Variants in CAB39L observed in about 807,000 individuals in gnomAD.
CAB39L encodes calcium-binding protein 39-like.
A neutral mutation model predicts 39.1 loss-of-function variants in CAB39L; 23 were observed. The ratio of observed to expected loss-of-function variants is 0.59; its 90% confidence interval spans 0.42 to 0.83. The LOEUF is 0.83. Ranked by LOEUF, CAB39L falls within the 40% of genes least tolerant of loss-of-function variation. The probability of loss-of-function intolerance (pLI) is 0.00; values close to 1 mark genes in which losing one functional copy is unlikely to be tolerated. For missense variants in CAB39L, 366 were observed against 391.9 expected (o/e 0.93, Z 0.56); for synonymous variants, 126 against 137.2 (o/e 0.92, Z 0.57).
chr13:49,315,753 T>C (rs1003120624), intron 10 of CAB39L, among the ~76,000 whole-genome samples: 6 of 151,196 alleles, frequency 4.0e-5, no homozygotes, highest in Admixed American at 1.3e-4. Flanking sequence ...GGCATGGTGG[T>C]GTGCGCCTGT....
chr13:49,443,872 C>T, intron 1 of CAB39L, 114 bp downstream of exon 1: 1 of 454,980 alleles, frequency 2.2e-6, no homozygotes, highest in South Asian at 1.6e-5. Flanking sequence ...TTAGGCCTCT[C>T]CTTTACCCCA....
chr13:49,359,864 A>G, intron 5 of CAB39L, 32 bp from the exon 6 acceptor site: 1 of 1,205,620 alleles, frequency 8.3e-7, no homozygotes, highest in Non-Finnish European at 1.2e-6. Flanking sequence ...ATTAAATTGT[A>G]CACTCTAAAT....
intron 9 of CAB39L, among the ~76,000 whole-genome samples, chr13:49,339,332 T>C (rs1308989476): frequency 2.0e-5 from 3 of 152,160 alleles, no homozygotes; most frequent in Non-Finnish European, 4.4e-5. Context: ...GGTTTTGCCA[T>C]GTTGGCCAGG....
intron 1 of CAB39L, among the ~76,000 whole-genome samples, chr13:49,439,191 T>C (rs1957463161): frequency 6.6e-6 from 1 of 152,224 alleles, no homozygotes; most frequent in African/African-American, 2.4e-5. Flanking sequence ...TAATCTTTTA[T>C]TGAGTTTTGT....
chr13:49,311,572 C>T (rs1455408397), intron 10 of CAB39L, among the ~76,000 whole-genome samples: 6 of 152,118 alleles, frequency 3.9e-5, no homozygotes, highest in African/African-American at 1.4e-4. Context: ...GTGTTATGGC[C>T]CCTGCAGACT....
Position 49,376,964 on chromosome 13 carries a change from T to C in CAB39L, c.276+3A>G, listed in dbSNP as rs776341866. On this transcript the variant is annotated splice_donor_region_variant and intron_variant, in intron 5 of 10. Transcript: ENST00000409308. ...CACTGACATCCTTTTACAGCTGGCT[T>C]ACCTCAAAGTCTATCAGCTGCAGGT... 6.3e-7 allele frequency: 1 copy of C among 1,596,420 alleles called. No homozygotes were observed. Among genetic ancestry groups the C allele is most frequent in the Non-Finnish European group, 8.5e-7 (1 of 1,170,246 alleles).
At chr13:49,410,647 T>C (rs1309674394) in intron 3 of CAB39L, among the ~76,000 whole-genome samples, 1 of 152,236 alleles carries the variant, frequency 6.6e-6, no homozygotes, top group Non-Finnish European at 1.5e-5. Flanking sequence ...GTTTAAAATG[T>C]CAAGAGAAAC....
chr13:49,360,432 G>T (rs1955601359), intron 5 of CAB39L, among the ~76,000 whole-genome samples: 1 of 152,194 alleles, frequency 6.6e-6, no homozygotes, highest in African/African-American at 2.4e-5. Context: ...GAACAGAAGA[G>T]ATCACCGAAT....
intron 3 of CAB39L, among the ~76,000 whole-genome samples, chr13:49,400,032 G>C (rs966846693): frequency 1.3e-5 from 2 of 151,986 alleles, no homozygotes; most frequent in African/African-American, 4.8e-5. Flanking sequence ...TACACGTAGA[G>C]GAAATGTTAG....
At chr13:49,378,372 G>GC (rs1431932534) in intron 4 of CAB39L, among the ~76,000 whole-genome samples, 1 of 63,642 alleles carries the variant, frequency 1.6e-5, no homozygotes, top group African/African-American at 1.0e-4. Context: ...GGGGGGGTCA[G>GC]CCCCCCACCT....
chr13:49,413,058 G>A (rs1003491141), intron 3 of CAB39L: 3 of 152,084 alleles, frequency 2.0e-5, no homozygotes, highest in African/African-American at 7.2e-5. Flanking sequence ...ATTCAAAAGA[G>A]GTCTGTGATA....
At chr13:49,384,610 T>A (rs549559616) in intron 3 of CAB39L, among the ~76,000 whole-genome samples, 1 of 152,376 alleles carries the variant, frequency 6.6e-6, no homozygotes, top group South Asian at 2.1e-4. Flanking sequence ...TTTGTTTTTT[T>A]AACTTTTATT....
chr13:49,352,457 CA>C (rs957717026), intron 6 of CAB39L, among the ~76,000 whole-genome samples: 59 of 145,570 alleles, frequency 4.1e-4, no homozygotes, highest in Non-Finnish European at 3.8e-4. Flanking sequence ...GGGCCCCCTC[CA>C]AAAAAAAAAA....
intron 6 of CAB39L, among the ~76,000 whole-genome samples, chr13:49,354,748 AG>A: frequency 6.6e-6 from 1 of 152,332 alleles, no homozygotes; most frequent in East Asian, 1.9e-4. Flanking sequence ...GGCACTATCT[AG>A]GCATGCCCAT....
intron 5 of CAB39L, among the ~76,000 whole-genome samples, chr13:49,373,141 G>A (rs182096398): frequency 2.0e-5 from 3 of 152,200 alleles, no homozygotes; most frequent in Admixed American, 6.5e-5. Context: ...CTTTTGTCAT[G>A]GTTCTGGATA....
chr13:49,431,307 T>A (rs1957319565), intron 3 of CAB39L, among the ~76,000 whole-genome samples: 2 of 152,354 alleles, frequency 1.3e-5, no homozygotes, highest in African/African-American at 2.4e-5. Flanking sequence ...ATCCACTTTG[T>A]TACAAATATT....
chr13:49,326,378 C>T (rs1440073125), intron 10 of CAB39L, among the ~76,000 whole-genome samples: 3 of 152,302 alleles, frequency 2.0e-5, no homozygotes, highest in African/African-American at 7.2e-5. Context: ...GCAACTGAGA[C>T]AGAACAAAGA....
chr13:49,339,599 T>C lies in CAB39L; in HGVS notation c.690+78A>G, dbSNP rs1012801212. The C allele has an allele frequency of 4.4e-6, 6 of 1,361,686 alleles. No homozygotes were observed. In the Admixed American group the frequency reaches 9.2e-5, roughly 21 times the overall value. 84.4% of individuals were successfully genotyped at this position (1,361,686 alleles called of 1,614,324 possible). On this transcript the variant is annotated intron_variant, in intron 9 of 10. Coordinates refer to ENST00000409308, the MANE Select transcript of CAB39L (RefSeq NM_001079670.3). The stretch of plus-strand genomic sequence containing the variant: ...GATATTTTAATTTTTCTGTGTTTAC[T>C]CATATACTAATAGACCCGTCATTTG...
intron 1 of CAB39L, among the ~76,000 whole-genome samples, chr13:49,437,641 T>A (rs539341004): frequency 6.6e-6 from 1 of 152,216 alleles, no homozygotes; most frequent in Non-Finnish European, 1.5e-5. Context: ...TGGATTCTGC[T>A]AGACTGCAGT....
Sources: gnomAD v4.1 joint callset for allele counts (sites outside exome capture counted in the v4.1 genomes callset) on GRCh38, gnomAD v4.1.1 for gene constraint, MANE v1.5 for transcripts, NCBI Gene and HGNC (gene_info 2026-07-23, HGNC 2026-07-21) for gene names.